AOPEP: variants seen among roughly 807,000 people sequenced by gnomAD.
AOPEP encodes aminopeptidase O (putative), also known as aminopeptidase O.
In AOPEP, 77 loss-of-function variants were observed where a neutral mutation model predicts 98.1. The observed-to-expected ratio is 0.78, with a 90% CI of 0.65 to 0.95. AOPEP has a LOEUF of 0.95. Ranked by LOEUF, AOPEP falls within the 40% of genes least tolerant of loss-of-function variation. The pLI, the probability that AOPEP is intolerant of heterozygous loss-of-function variation, is 0.00. For missense variants in AOPEP, 1,024 were observed against 1,024.7 expected, an observed-to-expected ratio of 1.00 and a Z score of 0.01; for synonymous variants, 346 against 365.3, an observed-to-expected ratio of 0.95 and a Z score of 0.60.
At chr9:94,916,786 G>T (rs2052894570) in intron 5 of AOPEP, among the ~76,000 whole-genome samples, 1 of 151,992 alleles carries the variant, frequency 6.6e-6, no homozygotes, top group Admixed American at 6.6e-5. Flanking sequence ...GTGGGTATGG[G>T]TGTGTCCCCT....
the AOPEP span, among the ~76,000 whole-genome samples, chr9:95,094,775 C>T: frequency 6.6e-6 from 1 of 152,214 alleles, no homozygotes; most frequent in East Asian, 1.9e-4. Context: ...AAGCAATTCT[C>T]CTGCCTCAGC....
Position 94,967,817 on chromosome 9 carries a change from G to A in AOPEP, c.1916+16G>A, listed in dbSNP as rs776769445. On this transcript the variant is annotated intron_variant, in intron 10 of 16. Transcript: ENST00000375315. ...AAGAAAAAAGGTAAGGACCAATTTAGGAATTTTGGAATTAAGAGCCCAGTT... is the reference window on the plus strand; with the variant it reads ...AAGAAAAAAGGTAAGGACCAATTTAAGAATTTTGGAATTAAGAGCCCAGTT... 6.2e-7 allele frequency: 1 copy of A among 1,602,434 alleles called. No individual in the cohort carries two copies. Among genetic ancestry groups the A allele is most frequent in the South Asian group, 1.1e-5 (1 of 90,826 alleles).
chr9:94,760,236 A>G lies in AOPEP; in HGVS notation c.453A>G (p.Leu151=). The change falls in exon 2 of 17, where the codon TTA becomes TTG. Residue 151 remains leucine (L), a synonymous_variant. Transcript: ENST00000375315. ...TGCTAGTGTTGGACTGCTGTGATTTATCTGTGTTAAAAGTCGAGGAGGTGG... is the reference window on the plus strand; with the variant it reads ...TGCTAGTGTTGGACTGCTGTGATTTGTCTGTGTTAAAAGTCGAGGAGGTGG... ...DFLLVLDCCD[L]SVLKVEEVDV... 6.2e-7 allele frequency: 1 copy of G among 1,614,180 alleles called. No homozygotes were observed. The highest frequency in any genetic ancestry group is 8.5e-7 in the Non-Finnish European group (1 of 1,180,034).
At chr9:94,782,519 G>A (rs551510140) in intron 3 of AOPEP, among the ~76,000 whole-genome samples, 3 of 152,306 alleles carry the variant, frequency 2.0e-5, no homozygotes, top group South Asian at 2.1e-4. Context: ...TGAGAGTCCA[G>A]ACCCTCCTGT....
the AOPEP span, among the ~76,000 whole-genome samples, chr9:95,106,104 G>A: frequency 2.6e-5 from 4 of 152,262 alleles, no homozygotes; most frequent in Admixed American, 6.5e-5. Context: ...TGAGTGTTCC[G>A]GTTCCCACGC....
intron 7 of AOPEP, among the ~76,000 whole-genome samples, chr9:94,948,858 T>G (rs553971393): frequency 6.6e-6 from 1 of 152,322 alleles, no homozygotes; most frequent in East Asian, 1.9e-4. Context: ...CAACTTCACC[T>G]CCAAAGCCCT....
chr9:94,903,408 A>T (rs972015182), intron 5 of AOPEP, among the ~76,000 whole-genome samples: 1 of 152,086 alleles, frequency 6.6e-6, no homozygotes, highest in Admixed American at 6.5e-5. Context: ...TAGCAAATGG[A>T]TCTGTGATAG....
chr9:94,735,097 CT>C (rs1247851465), intron 1 of AOPEP, among the ~76,000 whole-genome samples: 1 of 152,124 alleles, frequency 6.6e-6, no homozygotes, highest in Non-Finnish European at 1.5e-5. Context: ...GTTTTCATGG[CT>C]TTGTGATGGC....
chr9:94,871,940 C>T (rs1451360435), intron 5 of AOPEP, among the ~76,000 whole-genome samples: 1 of 151,954 alleles, frequency 6.6e-6, no homozygotes, highest in South Asian at 2.1e-4. Context: ...TTGGGGAGGT[C>T]GAAGCAGCAG....
chr9:95,099,789 G>T, the AOPEP span: 1 of 232,366 alleles, frequency 4.3e-6, no homozygotes, highest in South Asian at 1.8e-4. Flanking sequence ...GGAACTGGGA[G>T]ATTCTGCAGA....
chr9:94,834,386 A>G (rs185127065), intron 5 of AOPEP, among the ~76,000 whole-genome samples: 44 of 152,314 alleles, frequency 2.9e-4, no homozygotes, highest in African/African-American at 1.0e-3. Context: ...AATATAAACA[A>G]ACATTTATGA....
chr9:94,924,104 T>C lies in AOPEP; in HGVS notation c.1483T>C (p.Trp495Arg). 6.6e-7 allele frequency: 1 copy of C among 1,510,706 alleles called. No individual in the cohort carries two copies. The highest frequency in any genetic ancestry group is 8.9e-7 in the Non-Finnish European group (1 of 1,126,234). The allele number at this position is 1,510,706 out of a possible 1,614,324, so 93.6% of individuals were successfully genotyped here. A position where few individuals can be genotyped will look rare whatever the true frequency, so the allele number is the denominator to read the frequency against. ...WFGLAIGARD[W>R]TEEWLSEGFA... The stretch of plus-strand genomic sequence containing the variant: ...TGGCCTAGCCATCGGGGCCCGAGAC[T>C]GGACGGAGGAGTGGCTGAGTGAAGG... The change falls in exon 6 of 17, where the codon TGG (tryptophan) becomes CGG (arginine). Residue 495 changes from tryptophan to arginine, a missense_variant. Trp to Arg is a moderately radical substitution (Grantham distance 101, BLOSUM62 -3). Transcript: ENST00000375315.
At chr9:94,840,531 C>T (rs1473502244) in intron 5 of AOPEP, among the ~76,000 whole-genome samples, 1 of 152,270 alleles carries the variant, frequency 6.6e-6, no homozygotes, top group Non-Finnish European at 1.5e-5. Context: ...GAAGTATTCC[C>T]TTCTAGAAGA....
In AOPEP at chr9:95,004,078, A is replaced by T. The variant is rs1162305458; in HGVS notation, c.1978-1080A>T. On this transcript the variant is annotated intron_variant, in intron 11 of 16. Coordinates refer to ENST00000375315, the MANE Select transcript of AOPEP (RefSeq NM_001193329.3). The stretch of plus-strand genomic sequence containing the variant: ...CCTTTTGATCTTGAAAGAAGGATGG[A>T]GTAGCAATAAAGAGAGGGCAAGACA... The T allele has an allele frequency of 1.7e-5, 6 of 354,876 alleles. No homozygotes were observed. In the East Asian group the frequency reaches 4.7e-4, roughly 28 times the overall value. The allele number at this position is 354,876 out of a possible 1,614,324, so 22.0% of individuals were successfully genotyped here. A position where few individuals can be genotyped will look rare whatever the true frequency, so the allele number is the denominator to read the frequency against.
chr9:95,123,585 G>C, the AOPEP span: 1 of 581,542 alleles, frequency 1.7e-6, no homozygotes, highest in South Asian at 1.4e-5. Flanking sequence ...CAGCCTATTT[G>C]CGACACGAAC....
chr9:94,732,073 C>T (rs1272526338), intron 1 of AOPEP, among the ~76,000 whole-genome samples: 1 of 151,942 alleles, frequency 6.6e-6, no homozygotes, highest in Non-Finnish European at 1.5e-5. Flanking sequence ...GTGTGGGTCA[C>T]CCCGCCCAGC....
intron 5 of AOPEP, among the ~76,000 whole-genome samples, chr9:94,885,001 T>C (rs1280831856): frequency 5.1e-5 from 5 of 97,730 alleles, no homozygotes; most frequent in Non-Finnish European, 5.9e-5. Context: ...AGAGCGAGAC[T>C]CCGTCTCAAA....
At chr9:95,104,651 A>C in the AOPEP span, among the ~76,000 whole-genome samples, 1 of 152,290 alleles carries the variant, frequency 6.6e-6, no homozygotes, top group South Asian at 2.1e-4. Context: ...TGGCATCAGG[A>C]TAACTGAAGC....
chr9:94,740,054 C>A (rs558455677), intron 1 of AOPEP, among the ~76,000 whole-genome samples: 2 of 152,130 alleles, frequency 1.3e-5, no homozygotes, highest in Non-Finnish European at 2.9e-5. Flanking sequence ...GGGTGCATCA[C>A]GCCCTCATAT....
Sources: gnomAD v4.1 joint callset for allele counts (sites outside exome capture counted in the v4.1 genomes callset) on GRCh38, gnomAD v4.1.1 for gene constraint, MANE v1.5 for transcripts, NCBI Gene and HGNC (gene_info 2026-07-23, HGNC 2026-07-21) for gene names.